The following CEP135 variants were observed in gnomAD, a reference collection of about 807,000 sequenced individuals.
CEP135 encodes centrosomal protein of 135 kDa.
In CEP135, 142 loss-of-function variants were observed where a neutral mutation model predicts 157.3. The observed-to-expected ratio is 0.90, with a 90% CI of 0.79 to 1.04. The LOEUF is 1.04. Ranked by LOEUF, CEP135 falls within the 50% of genes least tolerant of loss-of-function variation. The probability of loss-of-function intolerance (pLI) is 0.00; values close to 1 mark genes in which losing one functional copy is unlikely to be tolerated. For synonymous variants in CEP135, 396 were observed against 439.8 expected (o/e 0.90, Z 1.25); for missense variants, 1,317 against 1,309.2 (o/e 1.01, Z -0.09).
chr4:55,978,968 C>T (rs967707529), intron 11 of CEP135, among the ~76,000 whole-genome samples: 2 of 152,178 alleles, frequency 1.3e-5, no homozygotes, highest in African/African-American at 4.8e-5. Flanking sequence ...TTAAAGAGTT[C>T]GGATAACTAA....
At chr4:56,010,372 A>C (rs1357924591) in intron 19 of CEP135, among the ~76,000 whole-genome samples, 1 of 151,948 alleles carries the variant, frequency 6.6e-6, no homozygotes, top group Non-Finnish European at 1.5e-5. Flanking sequence ...AAAAAAAAAA[A>C]AAAAAATGGG....
At chr4:55,967,695 T>C (rs932037343) in intron 8 of CEP135, among the ~76,000 whole-genome samples, 1 of 152,246 alleles carries the variant, frequency 6.6e-6, no homozygotes, top group African/African-American at 2.4e-5. Flanking sequence ...ATAATCCAGT[T>C]TGAAGACCAC....
intron 6 of CEP135, among the ~76,000 whole-genome samples, chr4:55,961,658 G>A (rs543033065): frequency 2.8e-4 from 42 of 150,534 alleles, no homozygotes; most frequent in African/African-American, 1.0e-3. Flanking sequence ...CAGCTACTTG[G>A]GAGGCTGAGG....
intron 13 of CEP135, 91 bp from the exon 14 acceptor site, chr4:55,985,190 A>G (rs1729535956): frequency 1.7e-6 from 1 of 592,056 alleles, no homozygotes; most frequent in African/African-American, 1.8e-5. Context: ...CAAATACAAT[A>G]TAATAGAACT....
At chr4:55,963,486 C>T (rs544128103) in intron 6 of CEP135, among the ~76,000 whole-genome samples, 16 of 152,346 alleles carry the variant, frequency 1.1e-4, no homozygotes, top group African/African-American at 3.6e-4. Flanking sequence ...TGGCTCACGC[C>T]TATAATCCCA....
At chr4:55,954,132 T>C (rs1417485050) in intron 3 of CEP135, 84 bp from the exon 4 acceptor site, 3 of 1,256,000 alleles carry the variant, frequency 2.4e-6, no homozygotes, top group South Asian at 1.6e-5. Context: ...TAAATTGATA[T>C]GACTTTTTGT....
rs1729065628 is a variant in CEP135, at chr4:55,972,657, GC to G, written c.1249+1250del. ...TGTGCCTCAGTTCCCTATCTGTGGGGCTAATGATGACACCTACCCTGAAAAG... is the reference window on the plus strand; with the variant it reads ...TGTGCCTCAGTTCCCTATCTGTGGGGTAATGATGACACCTACCCTGAAAAG... On this transcript the variant is annotated intron_variant, in intron 10 of 25. Transcript: ENST00000257287. 2.0e-5 allele frequency among the ~76,000 whole-genome samples: 3 copies of G among 152,202 alleles called. No homozygotes were observed. The South Asian group carries it at 6.2e-4, about 32-fold the overall frequency.
intron 15 of CEP135, among the ~76,000 whole-genome samples, chr4:55,997,129 G>A (rs973714965): frequency 1.3e-5 from 2 of 152,102 alleles, no homozygotes; most frequent in African/African-American, 2.4e-5. Context: ...TTCCAAACAC[G>A]ATTATGAACA....
intron 21 of CEP135, among the ~76,000 whole-genome samples, chr4:56,016,511 A>G (rs1047253024): frequency 2.0e-5 from 3 of 152,110 alleles, no homozygotes; most frequent in Non-Finnish European, 2.9e-5. Flanking sequence ...GGTATATGAA[A>G]TTGGCTGTTA....
chr4:56,003,490 G>C (rs992167603), intron 17 of CEP135, among the ~76,000 whole-genome samples: 1 of 152,156 alleles, frequency 6.6e-6, no homozygotes, highest in Admixed American at 6.6e-5. Flanking sequence ...TTAGAGGTGT[G>C]AGCCACTGTG....
chr4:56,031,745 A>G lies in CEP135; in HGVS notation c.*397A>G, dbSNP rs1388034026. 6.6e-6 allele frequency: 1 copy of G among 152,106 alleles called. No individual in the cohort carries two copies. Among genetic ancestry groups the G allele is most frequent in the African/African-American group, 2.4e-5 (1 of 41,436 alleles). 9.4% of individuals were successfully genotyped at this position (152,106 alleles called of 1,614,324 possible). ...CTTACAGTACTTGTTTTTAGTTGTCATGCCTATGTTTAGACCATATCTTAA... is the reference window on the plus strand; with the variant it reads ...CTTACAGTACTTGTTTTTAGTTGTCGTGCCTATGTTTAGACCATATCTTAA... On this transcript the variant is annotated 3_prime_UTR_variant, in exon 26 of 26. Coordinates refer to ENST00000257287, the MANE Select transcript of CEP135 (RefSeq NM_025009.5).
chr4:56,009,078 T>A (rs988641220), intron 18 of CEP135, among the ~76,000 whole-genome samples: 20 of 152,190 alleles, frequency 1.3e-4, no homozygotes, highest in East Asian at 3.9e-4. Context: ...TAAAAAAAAA[T>A]TTTTGTAGAA....
chr4:55,970,037 CTT>C (rs11404012), intron 9 of CEP135, among the ~76,000 whole-genome samples: 9 of 141,286 alleles, frequency 6.4e-5, no homozygotes, highest in Admixed American at 1.4e-4. Flanking sequence ...CCGTGCCTAG[CTT>C]TTTTTTTTTT....
chr4:55,964,678 A>G (rs1435474266), intron 7 of CEP135, among the ~76,000 whole-genome samples: 1 of 152,162 alleles, frequency 6.6e-6, no homozygotes, highest in African/African-American at 2.4e-5. Context: ...ATGATTGCCA[A>G]TTTGCTTTTA....
chr4:56,011,907 A>G lies in CEP135; in HGVS notation c.2724A>G (p.Arg908=), dbSNP rs113687114. 3,015 of 1,605,104 alleles carry G rather than the reference A, an allele frequency of 1.9e-3. 51 individuals carry two copies. In the African/African-American group the frequency reaches 0.034, roughly 18 times the overall value. The part of the protein sequence containing the change: ...HQAEGESSSV[R]LELLSIDTER... ...CTGAGGGAGAAAGCAGCTCAGTTCG[A>G]CTGGAACTTCTTTCTATTGACACTG... Residue 908 remains arginine (R), a synonymous_variant, in exon 21 of 26, where the codon CGA becomes CGG. Transcript: ENST00000257287.
chr4:56,022,616 CT>C (rs1478036407), intron 24 of CEP135, among the ~76,000 whole-genome samples: 2 of 152,006 alleles, frequency 1.3e-5, no homozygotes, highest in Non-Finnish European at 2.9e-5. Flanking sequence ...AACTCAAGTT[CT>C]TTAAGAGTCT....
intron 14 of CEP135, among the ~76,000 whole-genome samples, chr4:55,986,923 T>C (rs564627337): frequency 7.2e-5 from 11 of 152,342 alleles, no homozygotes; most frequent in Non-Finnish European, 1.5e-4. Context: ...CCTGTATCTT[T>C]ATGTGCCTGG....
chr4:56,013,547 A>C (rs889358168), intron 21 of CEP135, among the ~76,000 whole-genome samples: 1 of 152,194 alleles, frequency 6.6e-6, no homozygotes, highest in African/African-American at 2.4e-5. Context: ...TAATTTTTAC[A>C]AATGATATAA....
At chr4:56,017,173 C>G (rs1730805639) in intron 21 of CEP135, among the ~76,000 whole-genome samples, 1 of 151,628 alleles carries the variant, frequency 6.6e-6, no homozygotes, top group African/African-American at 2.4e-5. Flanking sequence ...AAGTTGTTTA[C>G]TATTTATTTA....
Sources: gnomAD v4.1 joint callset for allele counts (sites outside exome capture counted in the v4.1 genomes callset) on GRCh38, gnomAD v4.1.1 for gene constraint, MANE v1.5 for transcripts, NCBI Gene and HGNC (gene_info 2026-07-23, HGNC 2026-07-21) for gene names.